CADPS: variants seen among roughly 807,000 people sequenced by gnomAD.
The protein encoded by CADPS is calcium-dependent secretion activator 1.
CADPS carries 57 observed loss-of-function variants against 167.3 expected under a neutral mutation model. The ratio of observed to expected loss-of-function variants is 0.34; its 90% CI spans 0.28 to 0.42. The LOEUF is 0.42. CADPS is among the 20% of genes least tolerant of loss of function. The pLI, the probability that CADPS is intolerant of heterozygous loss-of-function variation, is 1.00. For missense variants in CADPS, 1,414 were observed against 1,738.1 expected (o/e 0.81, Z 3.32); for synonymous variants, 676 against 635.3 (o/e 1.06, Z -0.96).
In CADPS at chr3:62,465,366, C is replaced by T. The variant is rs779870268; in HGVS notation, c.3636+1G>A. Reference sequence around the variant, plus strand: ...AGGAAATAAAGAAGCTCTTTACTTACGGTAAATGACAGAAAAGAAGAAAAC... The same window carrying T: ...AGGAAATAAAGAAGCTCTTTACTTATGGTAAATGACAGAAAAGAAGAAAAC... On this transcript the variant is annotated splice_donor_variant, in intron 26 of 29. Transcript: ENST00000383710. LOFTEE classifies it high-confidence loss of function. The surrounding 1 kb of genome is among the most constrained non-coding windows in gnomAD (Gnocchi z 4.1). 4 of 1,599,026 alleles carry T rather than the reference C, an allele frequency of 2.5e-6. No individual in the cohort carries two copies. The highest frequency in any genetic ancestry group is 1.7e-5 in the Admixed American group (1 of 57,664).
chr3:62,589,541 G>A (rs2085446526), intron 7 of CADPS, among the ~76,000 whole-genome samples: 1 of 152,200 alleles, frequency 6.6e-6, no homozygotes, highest in African/African-American at 2.4e-5. Context: ...CCCTGGAGAT[G>A]AGGCAACATG....
chr3:62,418,308 CTTTTCTTTTTT>C (rs2050563522), intron 28 of CADPS, among the ~76,000 whole-genome samples: 1 of 140,120 alleles, frequency 7.1e-6, no homozygotes, highest in Non-Finnish European at 1.6e-5. Context: ...TTTTCTTTTT[CTTTTCTTTTTT>C]CTCTCTTTTT....
chr3:62,577,316 A>G (rs1475290497), intron 8 of CADPS, among the ~76,000 whole-genome samples: 1 of 152,182 alleles, frequency 6.6e-6, no homozygotes. Context: ...CAAGTATACA[A>G]TGTATTGTTA....
chr3:62,688,534 T>C (rs1437615478), intron 3 of CADPS, among the ~76,000 whole-genome samples: 2 of 152,108 alleles, frequency 1.3e-5, no homozygotes, highest in Admixed American at 6.6e-5. Context: ...AGACTCAGGC[T>C]TTAAACTCAG....
intron 5 of CADPS, among the ~76,000 whole-genome samples, chr3:62,647,162 A>G (rs1402983546): frequency 6.6e-6 from 1 of 152,228 alleles, no homozygotes. Context: ...TACATGAAAA[A>G]ATCATTCAGT....
At chr3:62,685,132 T>C (rs9830333) in intron 3 of CADPS, among the ~76,000 whole-genome samples, 3,071 of 152,170 alleles carry the variant, frequency 0.02, 104 homozygotes, top group African/African-American at 0.068. Flanking sequence ...ACAACACACC[T>C]ACTTTGCTTC....
At position 62,420,821 on chromosome 3, in the gene CADPS, A is replaced by G. The variant is rs549017507; in HGVS notation, c.3777+17283T>C. ...TTCTCCTCTTTCTACTTCTCACTGC[A>G]TATGACTCTATTTTTTTTCTCTTTA... is the stretch of plus-strand genomic sequence containing the variant. On this transcript the variant is annotated intron_variant, in intron 28 of 29. Coordinates refer to ENST00000383710, the MANE Select transcript of CADPS (RefSeq NM_003716.4). The surrounding 1 kb of genome is among the most constrained non-coding windows in gnomAD (Gnocchi z 4.1). Among the ~76,000 whole-genome samples, 16 of 151,706 alleles carry G rather than the reference A, an allele frequency of 1.1e-4. No homozygotes were observed. Among genetic ancestry groups the G allele is most frequent in the Non-Finnish European group, 1.2e-4 (8 of 67,948 alleles).
intron 28 of CADPS, among the ~76,000 whole-genome samples, chr3:62,414,750 GC>G (rs1009376277): frequency 6.6e-6 from 1 of 152,168 alleles, no homozygotes; most frequent in African/African-American, 2.4e-5. Context: ...AGGGCTGGGA[GC>G]CCCCCACTAG....
intron 9 of CADPS, among the ~76,000 whole-genome samples, chr3:62,567,733 C>T (rs183773341): frequency 1.3e-5 from 2 of 151,840 alleles, no homozygotes; most frequent in Non-Finnish European, 2.9e-5. Flanking sequence ...AGCCAGCATG[C>T]CTGGCTAGTT....
At chr3:62,473,389 A>T (rs1020201309) in intron 24 of CADPS, among the ~76,000 whole-genome samples, 1 of 152,254 alleles carries the variant, frequency 6.6e-6, no homozygotes, top group Non-Finnish European at 1.5e-5. Context: ...AATTCTGAAC[A>T]TGTAAGGCTG....
intron 1 of CADPS, among the ~76,000 whole-genome samples, chr3:62,835,710 G>A (rs1026568674): frequency 6.6e-6 from 1 of 152,164 alleles, no homozygotes; most frequent in Non-Finnish European, 1.5e-5. Flanking sequence ...AGGAAAAAGT[G>A]TCAGACATTC....
intron 3 of CADPS, among the ~76,000 whole-genome samples, chr3:62,676,904 G>T (rs187797471): frequency 3.3e-4 from 50 of 152,238 alleles, no homozygotes; most frequent in African/African-American, 1.2e-3. Context: ...ACAGCCTGGG[G>T]CTTTGATGCA....
chr3:62,585,925 A>T (rs1454842507), intron 7 of CADPS, among the ~76,000 whole-genome samples: 2 of 152,236 alleles, frequency 1.3e-5, no homozygotes, highest in African/African-American at 4.8e-5. Context: ...GAAAGCACAC[A>T]TGACTTGAAG....
At chr3:62,614,710 T>TGATG (rs2061999294) in intron 6 of CADPS, among the ~76,000 whole-genome samples, 1 of 152,182 alleles carries the variant, frequency 6.6e-6, no homozygotes, top group Non-Finnish European at 1.5e-5. Flanking sequence ...GTGTACATAA[T>TGATG]GATGTAATTA....
At chr3:62,840,671 C>A (rs1456849397) in intron 1 of CADPS, among the ~76,000 whole-genome samples, 1 of 152,072 alleles carries the variant, frequency 6.6e-6, no homozygotes, top group Non-Finnish European at 1.5e-5. Flanking sequence ...GCCTGAGTCC[C>A]TGGAGTTGGT....
chr3:62,642,209 C>A (rs2067570252), intron 6 of CADPS, among the ~76,000 whole-genome samples: 1 of 151,662 alleles, frequency 6.6e-6, no homozygotes, highest in African/African-American at 2.4e-5. Flanking sequence ...TAGCAGCAAC[C>A]ATGGAATTTG....
intron 28 of CADPS, among the ~76,000 whole-genome samples, chr3:62,431,700 C>T (rs949509484): frequency 6.6e-6 from 1 of 151,930 alleles, no homozygotes; most frequent in Non-Finnish European, 1.5e-5. Context: ...TGCCCTGCAT[C>T]AAATCCTGGT....
intron 21 of CADPS, among the ~76,000 whole-genome samples, chr3:62,489,612 A>G (rs1266660866): frequency 1.3e-5 from 2 of 152,208 alleles, no homozygotes; most frequent in African/African-American, 4.8e-5. Context: ...TGAACCCTTG[A>G]CTTCTGGCTA....
At chr3:62,474,511 C>T (rs978126234) in intron 23 of CADPS, among the ~76,000 whole-genome samples, 191 bp from the exon 24 acceptor site, 1 of 152,122 alleles carries the variant, frequency 6.6e-6, no homozygotes, top group Non-Finnish European at 1.5e-5. Context: ...GACAGACATG[C>T]ACACCCTTCC....
Sources: gnomAD v4.1 joint callset for allele counts (sites outside exome capture counted in the v4.1 genomes callset) on GRCh38, gnomAD v4.1.1 for gene constraint, Gnocchi (gnomAD v3.1) non-coding constraint, MANE v1.5 for transcripts, NCBI Gene and HGNC (gene_info 2026-07-23, HGNC 2026-07-21) for gene names.